Variants in SLC25A18 observed in about 807,000 individuals in gnomAD.
The protein encoded by SLC25A18 is solute carrier family 25 member 18.
In SLC25A18, 24 loss-of-function variants were observed where a neutral mutation model predicts 31.1. The ratio of observed to expected loss-of-function variants is 0.77; its 90% CI spans 0.56 to 1.08. SLC25A18 has a LOEUF of 1.08. SLC25A18 is among the 50% of genes least tolerant of loss of function. The pLI, the probability that SLC25A18 is intolerant of heterozygous loss-of-function variation, is 0.00. For synonymous variants in SLC25A18, 173 were observed against 161.9 expected, an observed-to-expected ratio of 1.07 and a Z score of -0.52; for missense variants, 371 against 418.5, an observed-to-expected ratio of 0.89 and a Z score of 0.99.
chr22:17,579,042 A>G (rs930660553), intron 2 of SLC25A18, among the ~76,000 whole-genome samples: 1 of 151,714 alleles, frequency 6.6e-6, no homozygotes, highest in East Asian at 1.9e-4. Flanking sequence ...AAAAGTAACT[A>G]TGGAGCATCT....
chr22:17,569,526 C>T (rs2057033312), intron 1 of SLC25A18: 2 of 792,134 alleles, frequency 2.5e-6, no homozygotes, highest in South Asian at 5.8e-5. Flanking sequence ...CAGAGATTTG[C>T]TTCTGGCACC....
At chr22:17,584,986 T>G (rs1028073182) in intron 7 of SLC25A18, among the ~76,000 whole-genome samples, 3 of 151,698 alleles carry the variant, frequency 2.0e-5, no homozygotes, top group African/African-American at 7.3e-5. Context: ...GATGGAGTGG[T>G]GTTGGTTCAG....
chr22:17,583,269 A>C, intron 6 of SLC25A18, 147 bp from the exon 7 acceptor site: 1 of 926,806 alleles, frequency 1.1e-6, no homozygotes, highest in Non-Finnish European at 1.7e-6. Flanking sequence ...CAGAGACCAC[A>C]CCTAAGGGCT....
chr22:17,572,791 G>C lies in SLC25A18; in HGVS notation c.-201+2805G>C, dbSNP rs1037913597. Among the ~76,000 whole-genome samples, 4 of 148,572 alleles carry C rather than the reference G, an allele frequency of 2.7e-5. No homozygotes were observed. In the South Asian group the frequency reaches 8.6e-4, roughly 32 times the overall value. On this transcript the variant is annotated intron_variant, in intron 2 of 10. Coordinates refer to ENST00000327451, the MANE Select transcript of SLC25A18 (RefSeq NM_031481.3). Reference sequence around the variant, plus strand: ...CGAGTAGCTGGGACTACAGGCGCCCGCCACCACGCCCGGCTAATTTTTTGT... The same window carrying C: ...CGAGTAGCTGGGACTACAGGCGCCCCCCACCACGCCCGGCTAATTTTTTGT...
chr22:17,572,830 A>G (rs978932849), intron 2 of SLC25A18, among the ~76,000 whole-genome samples: 17 of 151,306 alleles, frequency 1.1e-4, no homozygotes, highest in Non-Finnish European at 1.6e-4. Context: ...TTTAGTAGAG[A>G]CGGGGTTTCA....
In SLC25A18 at chr22:17,587,315, C is replaced by G; in HGVS notation, c.575+14C>G. The G allele has an allele frequency of 6.2e-7, 1 of 1,606,018 alleles. No homozygotes were observed. The highest frequency in any genetic ancestry group is 8.5e-7 in the Non-Finnish European group (1 of 1,177,482). ...CACTCTCCTCAGGTGAGCCTTTCTT[C>G]CGGTTCCCTAGGACAAGTGCACGGG... On this transcript the variant is annotated intron_variant, in intron 8 of 10. Transcript: ENST00000327451.
At chr22:17,569,035 T>A (rs555014887) in intron 1 of SLC25A18, among the ~76,000 whole-genome samples, 221 of 150,336 alleles carry the variant, frequency 1.5e-3, no homozygotes, top group African/African-American at 5.2e-3. Flanking sequence ...TGAGATGGAG[T>A]CGCCCAGCCT....
chr22:17,582,483 TGGCTAG>T, intron 5 of SLC25A18, 74 bp from the exon 6 acceptor site: 1 of 1,229,256 alleles, frequency 8.1e-7, no homozygotes, highest in Non-Finnish European at 1.1e-6. Flanking sequence ...GGGACTGGCC[TGGCTAG>T]GGCTGAAGGG....
intron 7 of SLC25A18, among the ~76,000 whole-genome samples, chr22:17,585,650 A>ATTTTTTTTTTT (rs143835144): frequency 7.3e-6 from 1 of 137,224 alleles, no homozygotes; most frequent in African/African-American, 2.8e-5. Flanking sequence ...TATTATTATT[A>ATTTTTTTTTTT]TTTTTTTTTT....
At position 17,566,601 on chromosome 22, in the gene SLC25A18, G is replaced by A. The variant is rs545766731; in HGVS notation, c.-264+2888G>A. Among the ~76,000 whole-genome samples, 115 of 152,012 alleles carry A rather than the reference G, an allele frequency of 7.6e-4. 1 individual carries two copies. Among genetic ancestry groups the A allele is most frequent in the Admixed American group, 9.2e-4 (14 of 15,268 alleles). On this transcript the variant is annotated intron_variant, in intron 1 of 10. Coordinates refer to ENST00000327451, the MANE Select transcript of SLC25A18 (RefSeq NM_031481.3). Reference sequence around the variant, plus strand: ...TTAATTTTGTATTTTTAGTAGAGACGGGGTTTCTCCACGTTGGTCAGGCTG... The same window carrying A: ...TTAATTTTGTATTTTTAGTAGAGACAGGGTTTCTCCACGTTGGTCAGGCTG...
intron 7 of SLC25A18, chr22:17,583,985 A>G (rs2057452298): frequency 1.1e-6 from 1 of 878,766 alleles, no homozygotes; most frequent in African/African-American, 1.8e-5. Flanking sequence ...CATTTCATCA[A>G]TGCTGCCAGC....
chr22:17,584,287 G>T (rs1033596711), intron 7 of SLC25A18, among the ~76,000 whole-genome samples: 2 of 151,700 alleles, frequency 1.3e-5, no homozygotes, highest in African/African-American at 4.8e-5. Context: ...CAGCTATCCG[G>T]GAGGCTGAGG....
At chr22:17,565,944 C>A (rs1289718946) in intron 1 of SLC25A18, among the ~76,000 whole-genome samples, 3 of 152,180 alleles carry the variant, frequency 2.0e-5, no homozygotes, top group Non-Finnish European at 4.4e-5. Context: ...CCTCCCACCT[C>A]AGCCTCCCAA....
At position 17,581,420 on chromosome 22, in the gene SLC25A18, T is replaced by C. The variant is rs1459858118; in HGVS notation, c.199+7T>C. On this transcript the variant is annotated splice_region_variant and intron_variant, in intron 5 of 10. Transcript: ENST00000327451. ...TTCTTCGGCATGTACCGAGGTGGGC[T>C]TCTCAGGTCCCCTGGGAGGCTGGGC... 7 of 1,613,948 alleles carry C rather than the reference T, an allele frequency of 4.3e-6. No homozygotes were observed. In the Admixed American group the frequency reaches 8.3e-5, roughly 19 times the overall value.
intron 2 of SLC25A18, among the ~76,000 whole-genome samples, chr22:17,576,309 G>A (rs1400715716): frequency 1.3e-5 from 2 of 151,280 alleles, no homozygotes; most frequent in Non-Finnish European, 2.9e-5. Context: ...AGCCAAGATC[G>A]CACCACTGCA....
intron 1 of SLC25A18, among the ~76,000 whole-genome samples, chr22:17,568,081 TA>T (rs2056982950): frequency 6.6e-6 from 1 of 151,828 alleles, no homozygotes; most frequent in Non-Finnish European, 1.5e-5. Flanking sequence ...CAGAGGAGAA[TA>T]GGCCAGGTGC....
At position 17,583,980 on chromosome 22, in the gene SLC25A18, C is replaced by T. The variant is rs533985263; in HGVS notation, c.409+446C>T. ...AGTCTTCATTTATGGTTACCCATTT[C>T]ATCAATGCTGCCAGCTCTAGAACAA... On this transcript the variant is annotated intron_variant, in intron 7 of 10. Transcript: ENST00000327451. 97 of 827,518 alleles carry T rather than the reference C, an allele frequency of 1.2e-4. No homozygotes were observed. The African/African-American group carries it at 1.7e-3, about 15-fold the overall frequency. 51.3% of individuals were successfully genotyped at this position (827,518 alleles called of 1,614,324 possible).
At chr22:17,568,091 G>A (rs556782276) in intron 1 of SLC25A18, among the ~76,000 whole-genome samples, 1 of 152,140 alleles carries the variant, frequency 6.6e-6, no homozygotes, top group South Asian at 2.1e-4. Flanking sequence ...TAGGCCAGGT[G>A]CGATGGCTCA....
At chr22:17,568,092 C>G (rs771120881) in intron 1 of SLC25A18, among the ~76,000 whole-genome samples, 7 of 151,992 alleles carry the variant, frequency 4.6e-5, no homozygotes, top group Admixed American at 4.6e-4. Context: ...AGGCCAGGTG[C>G]GATGGCTCAC....
Sources: allele counts gnomAD v4.1 joint callset (sites outside exome capture counted in the v4.1 genomes callset), GRCh38; gene constraint gnomAD v4.1.1; transcripts MANE v1.5; gene names NCBI Gene and HGNC (gene_info 2026-07-23, HGNC 2026-07-21).